Variants in AKT3 observed in about 807,000 individuals in gnomAD.
The protein encoded by AKT3 is RAC-gamma serine/threonine-protein kinase.
A neutral mutation model predicts 65.3 loss-of-function variants in AKT3; 15 were observed. The ratio of observed to expected loss-of-function variants is 0.23; its 90% CI spans 0.15 to 0.35. AKT3 has a LOEUF of 0.35. Among genes scored for constraint, AKT3 ranks in the 10% least tolerant of loss-of-function variants. AKT3 has a pLI of 1.00. For missense variants in AKT3, 243 were observed against 576.5 expected, an observed-to-expected ratio of 0.42 and a Z score of 5.92; for synonymous variants, 206 against 183.8, an observed-to-expected ratio of 1.12 and a Z score of -0.98.
At chr1:243,771,556 G>A (rs1014842136) in intron 2 of AKT3, among the ~76,000 whole-genome samples, 1 of 152,034 alleles carries the variant, frequency 6.6e-6, no homozygotes, top group African/African-American at 2.4e-5. Flanking sequence ...CTTGCTCTAA[G>A]TACAAACTTC....
intron 2 of AKT3, among the ~76,000 whole-genome samples, chr1:243,786,043 TGAGCCTTAAAGATCA>T (rs1453839380): frequency 6.6e-6 from 1 of 152,252 alleles, no homozygotes; most frequent in Non-Finnish European, 1.5e-5. Context: ...CAGATCATTC[TGAGCCTTAAAGATCA>T]TCAAGAACAG....
chr1:243,503,755 T>C lies in AKT3; in HGVS notation c.*1494A>G, dbSNP rs2148342269. 4.3e-6 allele frequency: 1 copy of C among 231,668 alleles called. No homozygotes were observed. The highest frequency in any genetic ancestry group is 1.8e-4 in the South Asian group (1 of 5,506). 14.4% of individuals were successfully genotyped at this position (231,668 alleles called of 1,614,324 possible). A position where few individuals can be genotyped will look rare whatever the true frequency, so the allele number is the denominator to read the frequency against. ...TTTCCCTGATGGCTTAATTCAGTGA[T>C]AAATGTACCATGATCCCAAGAAACA... is the stretch of plus-strand genomic sequence containing the variant. On this transcript the variant is annotated 3_prime_UTR_variant, in exon 14 of 14. Coordinates refer to ENST00000673466, the MANE Select transcript of AKT3 (RefSeq NM_005465.7).
intron 2 of AKT3, chr1:243,808,076 T>TA (rs917318185): frequency 2.0e-5 from 3 of 151,396 alleles, no homozygotes; most frequent in Admixed American, 6.6e-5. Context: ...ACCACAAAGA[T>TA]AGGAAAAAAA....
chr1:243,835,198 C>G (rs1215461325), intron 2 of AKT3, among the ~76,000 whole-genome samples: 1 of 152,090 alleles, frequency 6.6e-6, no homozygotes, highest in Non-Finnish European at 1.5e-5. Context: ...TGGCCTCTAC[C>G]CACTAGATGC....
At chr1:243,751,829 C>A (rs1485779184) in intron 2 of AKT3, among the ~76,000 whole-genome samples, 1 of 152,170 alleles carries the variant, frequency 6.6e-6, no homozygotes, top group African/African-American at 2.4e-5. Flanking sequence ...CAGGTGAGTT[C>A]TTCGGTATCA....
chr1:243,710,295 G>C (rs1165019079), intron 2 of AKT3, among the ~76,000 whole-genome samples: 1 of 151,966 alleles, frequency 6.6e-6, no homozygotes. Context: ...CTTTGGTACT[G>C]TAAGTTGTTT....
In AKT3 at chr1:243,499,974, T is replaced by C; in HGVS notation, c.*5275A>G. 3.1e-6 allele frequency: 2 copies of C among 640,738 alleles called. No homozygotes were observed. Among genetic ancestry groups the C allele is most frequent in the Non-Finnish European group, 5.6e-6 (2 of 354,674 alleles). The allele number at this position is 640,738 out of a possible 1,614,324, so 39.7% of individuals were successfully genotyped here. A position where few individuals can be genotyped will look rare whatever the true frequency, so the allele number is the denominator to read the frequency against. On this transcript the variant is annotated 3_prime_UTR_variant, in exon 14 of 14. Coordinates refer to ENST00000673466, the MANE Select transcript of AKT3 (RefSeq NM_005465.7). Reference sequence around the variant, plus strand: ...TCGGGCTGGAGCTGGAGTCTGACTCTAGCTGAGCAGAGCTCCTGGTGTATG... The same window carrying C: ...TCGGGCTGGAGCTGGAGTCTGACTCCAGCTGAGCAGAGCTCCTGGTGTATG...
chr1:243,515,773 C>T (rs1295913068), intron 12 of AKT3, among the ~76,000 whole-genome samples: 2 of 152,050 alleles, frequency 1.3e-5, no homozygotes, highest in Non-Finnish European at 2.9e-5. Context: ...GGCAGATCAC[C>T]AGGTCAGGAG....
intron 2 of AKT3, among the ~76,000 whole-genome samples, chr1:243,802,191 C>T (rs1444208289): frequency 1.3e-5 from 2 of 152,016 alleles, no homozygotes; most frequent in Admixed American, 1.3e-4. Flanking sequence ...TTTTTGCTGG[C>T]TTAATTTCTC....
intron 2 of AKT3, among the ~76,000 whole-genome samples, chr1:243,699,806 T>C (rs1685331233): frequency 6.6e-6 from 1 of 152,030 alleles, no homozygotes; most frequent in South Asian, 2.1e-4. Flanking sequence ...TGGAGAATTA[T>C]CTAGGTAAGC....
chr1:243,672,279 G>C (rs921375468), intron 3 of AKT3, among the ~76,000 whole-genome samples: 2 of 152,170 alleles, frequency 1.3e-5, no homozygotes, highest in Non-Finnish European at 2.9e-5. Flanking sequence ...AGGCAAGAGA[G>C]CCTTTGGGTT....
chr1:243,512,203 G>C, intron 13 of AKT3, 121 bp downstream of exon 13: 2 of 576,312 alleles, frequency 3.5e-6, no homozygotes, highest in Non-Finnish European at 5.9e-6. Context: ...ATAGAATGGA[G>C]TAAGTCACTG....
chr1:243,767,808 A>G (rs1485571516), intron 2 of AKT3, among the ~76,000 whole-genome samples: 1 of 152,128 alleles, frequency 6.6e-6, no homozygotes, highest in Non-Finnish European at 1.5e-5. Context: ...CTACTTTGGT[A>G]TAAGTCTGAA....
At chr1:243,783,050 A>G (rs1691012290) in intron 2 of AKT3, among the ~76,000 whole-genome samples, 1 of 152,196 alleles carries the variant, frequency 6.6e-6, no homozygotes, top group Non-Finnish European at 1.5e-5. Flanking sequence ...GTGATAAAGC[A>G]TCTTTTATTA....
rs575997312 is a variant in AKT3 at position 243,515,382 on chromosome 1, C to T, written c.1252-2956G>A. ...GAAACTGTCAAATTGTTTTCCTTTA[C>T]CATGTTAAAAAAAAAAAAAACCCAA... On this transcript the variant is annotated intron_variant, in intron 12 of 13. Transcript: ENST00000673466. Among the ~76,000 whole-genome samples the T allele has an allele frequency of 2.1e-4, 31 of 147,892 alleles. No individual in the cohort carries two copies. In the South Asian group the frequency reaches 6.3e-3, roughly 30 times the overall value.
chr1:243,499,913 G>A lies in AKT3; in HGVS notation c.*5336C>T. The A allele has an allele frequency of 2.3e-6, 2 of 876,420 alleles. No homozygotes were observed. Among genetic ancestry groups the A allele is most frequent in the Non-Finnish European group, 3.7e-6 (2 of 535,674 alleles). 54.3% of individuals were successfully genotyped at this position (876,420 alleles called of 1,614,324 possible). A position where few individuals can be genotyped will look rare whatever the true frequency, so the allele number is the denominator to read the frequency against. On this transcript the variant is annotated 3_prime_UTR_variant, in exon 14 of 14. Coordinates refer to ENST00000673466, the MANE Select transcript of AKT3 (RefSeq NM_005465.7). The stretch of plus-strand genomic sequence containing the variant: ...CACCGCCTCAGCCTGCAGTGGGGCT[G>A]GTCCTCATCAACGCGGGCGCTGTCC...
chr1:243,544,734 C>T (rs1672549502), intron 12 of AKT3, among the ~76,000 whole-genome samples: 2 of 146,762 alleles, frequency 1.4e-5, no homozygotes, highest in Non-Finnish European at 3.0e-5. Context: ...GATTGGGTCT[C>T]ACTCTGTCAT....
chr1:243,492,099 G>A (rs557549154), intron 13 of AKT3, among the ~76,000 whole-genome samples: 38 of 152,112 alleles, frequency 2.5e-4, no homozygotes, highest in Admixed American at 2.5e-3. Flanking sequence ...CTGTTGGCAG[G>A]CTTCATTATT....
At chr1:243,490,267 A>T (rs1666076886) in intron 13 of AKT3, among the ~76,000 whole-genome samples, 1 of 152,216 alleles carries the variant, frequency 6.6e-6, no homozygotes, top group South Asian at 2.1e-4. Context: ...TAAGGCCTGG[A>T]GGTGGAAATG....
Sources: allele counts gnomAD v4.1 joint callset (sites outside exome capture counted in the v4.1 genomes callset), GRCh38; gene constraint gnomAD v4.1.1; transcripts MANE v1.5; gene names NCBI Gene and HGNC (gene_info 2026-07-23, HGNC 2026-07-21).